Variants in ZNF730 observed in about 807,000 individuals in gnomAD.
ZNF730 encodes putative zinc finger protein 730.
In ZNF730, 12 loss-of-function variants were observed where a neutral mutation model predicts 12.6. That is an observed-to-expected ratio of 0.95 (90% CI 0.61 to 1.54). The LOEUF is 1.54. Ranked by LOEUF, ZNF730 falls within the 40% of genes most tolerant of loss-of-function variation. The pLI, the probability that ZNF730 is intolerant of heterozygous loss-of-function variation, is 0.00. For synonymous variants in ZNF730, 194 were observed against 195.8 expected, an observed-to-expected ratio of 0.99 and a Z score of 0.08; for missense variants, 643 against 583.5, an observed-to-expected ratio of 1.10 and a Z score of -1.05.
chr19:23,091,653 C>T (rs1336931467), intron 1 of ZNF730, among the ~76,000 whole-genome samples: 3 of 152,112 alleles, frequency 2.0e-5, no homozygotes, highest in African/African-American at 7.2e-5. Flanking sequence ...TTGACTGCCT[C>T]GCTGGATTTT....
chr19:23,128,540 C>A, intron 1 of ZNF730: 1 of 247,328 alleles, frequency 4.0e-6, no homozygotes, highest in South Asian at 7.1e-5. Context: ...CTTCTGAGAG[C>A]TAATCCAAAC....
intron 1 of ZNF730, among the ~76,000 whole-genome samples, chr19:23,095,899 C>T (rs991895441): frequency 9.9e-5 from 15 of 152,138 alleles, no homozygotes; most frequent in African/African-American, 3.4e-4. Context: ...TGTGATTTTC[C>T]TCCACTCACA....
chr19:23,080,559 G>C (rs1039236282), intron 1 of ZNF730, among the ~76,000 whole-genome samples: 1 of 151,898 alleles, frequency 6.6e-6, no homozygotes, highest in African/African-American at 2.4e-5. Flanking sequence ...ATTTTTAGTA[G>C]AGACGGGGTT....
intron 1 of ZNF730, among the ~76,000 whole-genome samples, chr19:23,131,243 AT>A (rs1392185111): frequency 1.3e-5 from 2 of 152,264 alleles, no homozygotes; most frequent in East Asian, 1.9e-4. Flanking sequence ...TATTCTACAC[AT>A]TTTTTTAAAA....
intron 1 of ZNF730, among the ~76,000 whole-genome samples, chr19:23,103,422 G>T (rs2145545302): frequency 6.6e-6 from 1 of 152,290 alleles, no homozygotes; most frequent in South Asian, 2.1e-4. Context: ...TTTGTTAACG[G>T]TTATAACAGA....
chr19:23,089,054 T>C (rs1240457567), intron 1 of ZNF730, among the ~76,000 whole-genome samples: 2 of 151,980 alleles, frequency 1.3e-5, no homozygotes, highest in Non-Finnish European at 2.9e-5. Context: ...GTATTTTTAG[T>C]AGAGAGGGGG....
intron 1 of ZNF730, among the ~76,000 whole-genome samples, chr19:23,133,611 G>A (rs897659755): frequency 6.6e-6 from 1 of 152,110 alleles, no homozygotes; most frequent in Non-Finnish European, 1.5e-5. Flanking sequence ...CAAAGTGCTG[G>A]GATTACAGGC....
chr19:23,104,294 T>G (rs1477210753), intron 1 of ZNF730, among the ~76,000 whole-genome samples: 1 of 100,376 alleles, frequency 1.0e-5, no homozygotes, highest in African/African-American at 3.6e-5. Context: ...AGAGAGAGAC[T>G]CCATCTCAAA....
chr19:23,100,487 C>T (rs889643853), intron 1 of ZNF730: 1 of 152,162 alleles, frequency 6.6e-6, no homozygotes, highest in African/African-American at 2.4e-5. Context: ...GTGTTCTATA[C>T]ACAGCCCACC....
At chr19:23,127,758 G>C in intron 1 of ZNF730, 2 of 960,254 alleles carry the variant, frequency 2.1e-6, no homozygotes, top group Non-Finnish European at 3.4e-6. Flanking sequence ...TTCTCTTCCT[G>C]AGAGGAAGTT....
In ZNF730 at chr19:23,104,831, T is replaced by G. The variant is rs549051169; in HGVS notation, c.-93-29249T>G. Among the ~76,000 whole-genome samples the G allele has an allele frequency of 1.8e-4, 28 of 152,272 alleles. No individual in the cohort carries two copies. In the East Asian group the frequency reaches 3.1e-3, roughly 17 times the overall value. ...CAGTCTCTGTACAGCGTTCCTGACC[T>G]GTGGTCAGTGAAAAATATCACTTTT... On this transcript the variant is annotated intron_variant, in intron 1 of 2. Transcript: ENST00000593635.
chr19:23,122,078 T>G (rs924491762), intron 1 of ZNF730, among the ~76,000 whole-genome samples: 6 of 151,622 alleles, frequency 4.0e-5, no homozygotes, highest in Non-Finnish European at 7.4e-5. Context: ...TTTTTTTTTG[T>G]TTTTGTTTAT....
At position 23,146,668 on chromosome 19, in the gene ZNF730, A is replaced by T; in HGVS notation, c.*112A>T. Reference sequence around the variant, plus strand: ...ATGTGAAGAATGTGGCAAAGCTTTTAACCAGTCCTCAAATCTTACTAAACA... The same window carrying T: ...ATGTGAAGAATGTGGCAAAGCTTTTTACCAGTCCTCAAATCTTACTAAACA... On this transcript the variant is annotated 3_prime_UTR_variant, in exon 4 of 4. Transcript: ENST00000597761. 2 of 1,528,634 alleles carry T rather than the reference A, an allele frequency of 1.3e-6. No individual in the cohort carries two copies. The highest frequency in any genetic ancestry group is 9.1e-7 in the Non-Finnish European group (1 of 1,104,330). The allele number at this position is 1,528,634 out of a possible 1,614,324, so 94.7% of individuals were successfully genotyped here. A position where few individuals can be genotyped will look rare whatever the true frequency, so the allele number is the denominator to read the frequency against.
chr19:23,121,191 G>A (rs1284659025), intron 1 of ZNF730, among the ~76,000 whole-genome samples: 3 of 150,982 alleles, frequency 2.0e-5, no homozygotes, highest in Non-Finnish European at 4.4e-5. Context: ...CAGATGGAGA[G>A]TGTTGTAGAT....
chr19:23,111,080 C>T (rs1040349744), intron 1 of ZNF730, among the ~76,000 whole-genome samples: 2 of 151,900 alleles, frequency 1.3e-5, no homozygotes, highest in African/African-American at 4.8e-5. Flanking sequence ...CTTAAAGCTT[C>T]CATTATTAAC....
chr19:23,095,201 G>A (rs1303658357), intron 1 of ZNF730: 1 of 394,746 alleles, frequency 2.5e-6, no homozygotes, highest in Non-Finnish European at 4.5e-6. Flanking sequence ...AGAGGACATA[G>A]TGACATATCA....
chr19:23,090,048 C>T (rs1020474600), intron 1 of ZNF730, among the ~76,000 whole-genome samples: 3 of 152,134 alleles, frequency 2.0e-5, no homozygotes, highest in African/African-American at 7.2e-5. Flanking sequence ...GAGATCAAGA[C>T]TATCCTGGCC....
chr19:23,119,417 T>A (rs1192489726), intron 1 of ZNF730, among the ~76,000 whole-genome samples: 6 of 152,254 alleles, frequency 3.9e-5, no homozygotes, highest in Non-Finnish European at 8.8e-5. Context: ...TTTAATGTGC[T>A]GCTGGATTTG....
upstream of ZNF730, among the ~76,000 whole-genome samples, chr19:23,114,363 G>A (rs1047211940): frequency 2.2e-5 from 3 of 134,320 alleles, no homozygotes; most frequent in Non-Finnish European, 4.6e-5. Context: ...CTGGAGTGCA[G>A]TGGAGCGATC....
Sources: gnomAD v4.1 joint callset for allele counts (sites outside exome capture counted in the v4.1 genomes callset) on GRCh38, gnomAD v4.1.1 for gene constraint, MANE v1.5 for transcripts, NCBI Gene and HGNC (gene_info 2026-07-23, HGNC 2026-07-21) for gene names.